GRAMD2A: variants seen among roughly 807,000 people sequenced by gnomAD.
GRAMD2A encodes the protein GRAM domain containing 2A, also known as GRAM domain-containing protein 2A.
Under a neutral mutation model 51.1 loss-of-function variants are expected in GRAMD2A, and 37 were observed. That is an observed-to-expected ratio of 0.72 (90% CI 0.56 to 0.95). The LOEUF is 0.95. Ranked by LOEUF, GRAMD2A falls within the 40% of genes least tolerant of loss-of-function variation. The pLI is 0.00. For synonymous variants in GRAMD2A, 136 were observed against 157.1 expected (o/e 0.87, Z 1.01); for missense variants, 414 against 426.9 (o/e 0.97, Z 0.27).
At chr15:72,194,748 C>T (rs982344387) in intron 1 of GRAMD2A, among the ~76,000 whole-genome samples, 1 of 151,984 alleles carries the variant, frequency 6.6e-6, no homozygotes, top group Non-Finnish European at 1.5e-5. Flanking sequence ...AATGCAGTTG[C>T]GTGATCTCAG....
chr15:72,178,730 A>T (rs934505579), intron 1 of GRAMD2A, among the ~76,000 whole-genome samples: 1 of 151,066 alleles, frequency 6.6e-6, no homozygotes, highest in Non-Finnish European at 1.5e-5. Flanking sequence ...GCCCGCCACC[A>T]CGCCCGGCTA....
intron 7 of GRAMD2A, among the ~76,000 whole-genome samples, chr15:72,165,854 GT>G (rs1487507387): frequency 3.3e-5 from 5 of 150,414 alleles, no homozygotes; most frequent in African/African-American, 1.2e-4. Context: ...TCCGGTTTTC[GT>G]TTTTTGTTTT....
chr15:72,178,572 T>C (rs998646878), intron 1 of GRAMD2A, among the ~76,000 whole-genome samples: 7 of 132,710 alleles, frequency 5.3e-5, no homozygotes, highest in Non-Finnish European at 9.6e-5. Flanking sequence ...CACTTTCTTT[T>C]TTTTTTTTTT....
chr15:72,186,329 T>A (rs2081733816), intron 1 of GRAMD2A, among the ~76,000 whole-genome samples: 1 of 139,424 alleles, frequency 7.2e-6, no homozygotes, highest in South Asian at 2.3e-4. Context: ...ATTTATTTAA[T>A]TTTTTTTTTT....
At chr15:72,172,833 G>T (rs1220800994) in intron 1 of GRAMD2A, among the ~76,000 whole-genome samples, 1 of 152,166 alleles carries the variant, frequency 6.6e-6, no homozygotes, top group Non-Finnish European at 1.5e-5. Flanking sequence ...TGCTGTGCCT[G>T]TGTGTAATTA....
rs1385124314 is a variant in GRAMD2A at position 72,167,072 on chromosome 15, A to C, written c.393T>G (p.Ser131=). ...KDIKVVIPVV[S]VQMIKKHKMA... is the part of the protein sequence containing the mutation. ...TCTTGTGTTTTTTGATCATTTGCAC[A>C]GACACCACAGGAATGACCACCTGAG... The change falls in exon 6 of 12, where the codon TCT becomes TCG. Residue 131 remains serine, a synonymous_variant. Coordinates refer to ENST00000309731, the MANE Select transcript of GRAMD2A (RefSeq NM_001012642.3). 6.2e-7 allele frequency: 1 copy of C among 1,613,682 alleles called. No individual in the cohort carries two copies.
At chr15:72,164,300 C>T (rs567558840) in intron 8 of GRAMD2A, among the ~76,000 whole-genome samples, 2 of 152,304 alleles carry the variant, frequency 1.3e-5, no homozygotes, top group Non-Finnish European at 1.5e-5. Context: ...GTTCTGCCTA[C>T]CCAGGGCCCC....
intron 1 of GRAMD2A, among the ~76,000 whole-genome samples, chr15:72,178,787 G>A (rs1364369423): frequency 1.3e-5 from 2 of 151,798 alleles, no homozygotes; most frequent in South Asian, 2.1e-4. Context: ...TGTTAGCCAG[G>A]ATGGTCTTGA....
chr15:72,191,730 G>T (rs533802551), intron 1 of GRAMD2A, among the ~76,000 whole-genome samples: 11 of 152,084 alleles, frequency 7.2e-5, no homozygotes, highest in Non-Finnish European at 1.3e-4. Flanking sequence ...CAATGTATAG[G>T]AAATACATAA....
intron 1 of GRAMD2A, among the ~76,000 whole-genome samples, chr15:72,177,480 T>C (rs554018510): frequency 6.6e-6 from 1 of 152,350 alleles, no homozygotes; most frequent in African/African-American, 2.4e-5. Flanking sequence ...GGACTTTAAA[T>C]GAACAGAATC....
chr15:72,195,155 G>A (rs1017961065), intron 1 of GRAMD2A, among the ~76,000 whole-genome samples: 1 of 152,234 alleles, frequency 6.6e-6, no homozygotes, highest in African/African-American at 2.4e-5. Context: ...TGTAGCATGA[G>A]TGTAGACAAA....
intron 7 of GRAMD2A, among the ~76,000 whole-genome samples, 177 bp from the exon 8 acceptor site, chr15:72,165,587 C>A (rs981676606): frequency 6.6e-6 from 1 of 152,184 alleles, no homozygotes; most frequent in African/African-American, 2.4e-5. Context: ...AGCAGAGAGG[C>A]AAACCCCAGG....
In GRAMD2A at chr15:72,166,348, C is replaced by T. The variant is rs990326888; in HGVS notation, c.543+284G>A. On this transcript the variant is annotated intron_variant, in intron 7 of 11. Transcript: ENST00000309731. The surrounding 1 kb of genome is among the most constrained non-coding windows in gnomAD (Gnocchi z 4.1). ...CTCTATTAAACACATTTTTGACTTA[C>T]GATATTTTCAACTTTTGATGGGTTC... is the stretch of plus-strand genomic sequence containing the variant. Among the ~76,000 whole-genome samples, 5 of 152,136 alleles carry T rather than the reference C, an allele frequency of 3.3e-5. No homozygotes were observed. Among genetic ancestry groups the T allele is most frequent in the African/African-American group, 1.2e-4 (5 of 41,424 alleles).
intron 11 of GRAMD2A, 69 bp from the exon 12 acceptor site, chr15:72,162,081 C>G (rs2081482004): frequency 6.3e-7 from 1 of 1,590,550 alleles, no homozygotes; most frequent in Admixed American, 1.7e-5. Flanking sequence ...GCAGAAGGGC[C>G]AGTGATAACT....
intron 1 of GRAMD2A, among the ~76,000 whole-genome samples, chr15:72,192,636 T>G (rs1218526611): frequency 1.3e-5 from 2 of 152,222 alleles, no homozygotes; most frequent in African/African-American, 4.8e-5. Context: ...ATCTCGACAA[T>G]TAACTACTAT....
At chr15:72,168,590 G>A (rs749818158) in intron 3 of GRAMD2A, 24 bp from the exon 4 acceptor site, 1 of 1,603,388 alleles carries the variant, frequency 6.2e-7, no homozygotes, top group South Asian at 1.1e-5. Flanking sequence ...GGCTGCGTCT[G>A]AGAAGCGCTG....
chr15:72,169,197 T>C, intron 2 of GRAMD2A: 2 of 604,464 alleles, frequency 3.3e-6, no homozygotes, highest in South Asian at 1.9e-5. Context: ...GGGAGGGCAC[T>C]GCGGGAGGTA....
intron 1 of GRAMD2A, among the ~76,000 whole-genome samples, chr15:72,172,370 C>G (rs1373133781): frequency 1.3e-5 from 2 of 151,490 alleles, no homozygotes; most frequent in African/African-American, 2.4e-5. Context: ...CGTCCCACCT[C>G]AGCTTCCCAA....
chr15:72,196,677 G>A (rs923486782), intron 1 of GRAMD2A, among the ~76,000 whole-genome samples: 9 of 152,304 alleles, frequency 5.9e-5, no homozygotes, highest in African/African-American at 2.2e-4. Context: ...GAAGACATCA[G>A]GTTGCGAGGG....
Sources: allele counts gnomAD v4.1 joint callset (sites outside exome capture counted in the v4.1 genomes callset), GRCh38; gene constraint gnomAD v4.1.1; non-coding constraint Gnocchi (gnomAD v3.1); transcripts MANE v1.5; gene names NCBI Gene and HGNC (gene_info 2026-07-23, HGNC 2026-07-21).